Variants in TUBB6 observed in about 807,000 individuals in gnomAD.
TUBB6 encodes the protein tubulin beta-6 chain.
Under a neutral mutation model 32.3 loss-of-function variants are expected in TUBB6, and 18 were observed. That is an observed-to-expected ratio of 0.56 (90% CI 0.39 to 0.83). The LOEUF is 0.83. Ranked by LOEUF, TUBB6 falls within the 40% of genes least tolerant of loss-of-function variation. TUBB6 has a pLI of 0.00. For missense variants in TUBB6, 480 were observed against 632.0 expected (o/e 0.76, Z 2.58); for synonymous variants, 280 against 265.8 (o/e 1.05, Z -0.52).
At chr18:12,329,391 C>T, downstream of TUBB6, 2 of 726,718 alleles carry the variant, frequency 2.8e-6, no homozygotes, top group Non-Finnish European at 4.8e-6. Context: ...TCACCTGCCA[C>T]CCACTGTGAC....
At chr18:12,322,413 A>G (rs1245703705) in intron 3 of TUBB6, among the ~76,000 whole-genome samples, 1 of 149,430 alleles carries the variant, frequency 6.7e-6, no homozygotes, top group Non-Finnish European at 1.5e-5. Context: ...GGAGTGCTGT[A>G]GCACAATCTT....
intron 2 of TUBB6, among the ~76,000 whole-genome samples, 165 bp downstream of exon 2, chr18:12,308,960 T>G (rs1398930174): frequency 6.6e-6 from 1 of 152,198 alleles, no homozygotes; most frequent in Non-Finnish European, 1.5e-5. Context: ...GCCGTCAGTT[T>G]ATTCAAACAG....
At chr18:12,308,552 T>G in intron 1 of TUBB6, 135 bp from the exon 2 acceptor site, 1 of 777,172 alleles carries the variant, frequency 1.3e-6, no homozygotes, top group Non-Finnish European at 2.1e-6. Context: ...CCCACCCCCA[T>G]CCCAACTGGG....
At position 12,326,288 on chromosome 18, in the gene TUBB6, A is replaced by G; in HGVS notation, c.*158A>G. The G allele has an allele frequency of 1.8e-6, 2 of 1,137,198 alleles. No individual in the cohort carries two copies. Among genetic ancestry groups the G allele is most frequent in the Non-Finnish European group, 2.4e-6 (2 of 829,346 alleles). The allele number at this position is 1,137,198 out of a possible 1,614,324, so 70.4% of individuals were successfully genotyped here. On this transcript the variant is annotated 3_prime_UTR_variant, in exon 4 of 4. Coordinates refer to ENST00000317702, the MANE Select transcript of TUBB6 (RefSeq NM_032525.3). Reference sequence around the variant, plus strand: ...CAAGTCATGTAATTAGTCATCTGGAACAAAGACTAAAAACAGCAGAGAATT... The same window carrying G: ...CAAGTCATGTAATTAGTCATCTGGAGCAAAGACTAAAAACAGCAGAGAATT...
intron 2 of TUBB6, 66 bp from the exon 3 acceptor site, chr18:12,310,877 A>T (rs1193930831): frequency 1.0e-5 from 12 of 1,150,126 alleles, no homozygotes; most frequent in African/African-American, 1.6e-5. Flanking sequence ...TGGGACTTGA[A>T]ACGGGGAAGT....
chr18:12,322,879 G>T (rs1018245725), intron 3 of TUBB6, among the ~76,000 whole-genome samples: 2 of 152,078 alleles, frequency 1.3e-5, no homozygotes, highest in Non-Finnish European at 2.9e-5. Context: ...TCAACTGATT[G>T]GAATTATTTC....
chr18:12,312,037 T>C (rs1906411802), intron 3 of TUBB6, among the ~76,000 whole-genome samples: 1 of 152,214 alleles, frequency 6.6e-6, no homozygotes, highest in Non-Finnish European at 1.5e-5. Context: ...AAAAGCACTA[T>C]GGTGTAGGAA....
Position 12,325,860 on chromosome 18 carries a change from G to A in TUBB6, c.1071G>A (p.Pro357=), listed in dbSNP as rs1316177286. Residue 357 remains proline, a synonymous_variant, in exon 4 of 4, where the codon CCG becomes CCA. Transcript: ENST00000317702. ...TGAAGGTGGCCGTGTGCGACATCCC[G>A]CCCCGCGGCCTGAAGATGGCCTCCA... is the stretch of plus-strand genomic sequence containing the variant. ...NNVKVAVCDI[P]PRGLKMASTF... is the part of the protein sequence containing the mutation. 6 of 1,614,068 alleles carry A rather than the reference G, an allele frequency of 3.7e-6. No homozygotes were observed. The highest frequency in any genetic ancestry group is 1.7e-4 in the Middle Eastern group (1 of 6,046).
chr18:12,308,746 C>T lies in TUBB6; in HGVS notation c.117C>T (p.Asp39=), dbSNP rs141882281. ...GIDPAGGYVG[D]SALQLERINV... is the part of the protein sequence containing the mutation. ...ACCCGGCCGGAGGCTACGTGGGAGA[C>T]TCGGCGCTGCAGCTGGAGAGAATCA... Residue 39 remains aspartate, a synonymous_variant, in exon 2 of 4, where the codon GAC becomes GAT. Coordinates refer to ENST00000317702, the MANE Select transcript of TUBB6 (RefSeq NM_032525.3). The T allele has an allele frequency of 2.2e-5, 35 of 1,613,110 alleles. No homozygotes were observed. The highest frequency in any genetic ancestry group is 2.6e-5 in the Non-Finnish European group (31 of 1,179,418).
intron 3 of TUBB6, among the ~76,000 whole-genome samples, chr18:12,321,481 A>G (rs1043596506): frequency 7.2e-5 from 11 of 152,204 alleles, no homozygotes; most frequent in African/African-American, 2.4e-4. Context: ...AAGATTGACA[A>G]GTGAAAGGCA....
chr18:12,327,834 C>T (rs976360165), downstream of TUBB6, among the ~76,000 whole-genome samples: 1 of 152,226 alleles, frequency 6.6e-6, no homozygotes, highest in Non-Finnish European at 1.5e-5. Context: ...CCACTCTCGT[C>T]CCCCGGGAGG....
intron 3 of TUBB6, among the ~76,000 whole-genome samples, chr18:12,319,461 T>A (rs987959388): frequency 6.6e-6 from 1 of 152,124 alleles, no homozygotes; most frequent in Non-Finnish European, 1.5e-5. Flanking sequence ...GACATTTTTC[T>A]GTGTCCATGT....
At chr18:12,315,956 T>TA (rs1906651770) in intron 3 of TUBB6, among the ~76,000 whole-genome samples, 1 of 152,252 alleles carries the variant, frequency 6.6e-6, no homozygotes, top group South Asian at 2.1e-4. Flanking sequence ...AAAAAAAAGA[T>TA]ATCAGTTGTC....
intron 3 of TUBB6, among the ~76,000 whole-genome samples, chr18:12,317,218 T>C (rs1906723656): frequency 6.6e-6 from 1 of 151,918 alleles, no homozygotes; most frequent in Non-Finnish European, 1.5e-5. Context: ...TCCCAACACT[T>C]TGGGAGGCTG....
At chr18:12,323,458 T>C (rs1907089870) in intron 3 of TUBB6, among the ~76,000 whole-genome samples, 1 of 152,192 alleles carries the variant, frequency 6.6e-6, no homozygotes, top group Non-Finnish European at 1.5e-5. Context: ...AGCCAATCTT[T>C]CAGATTCAAT....
chr18:12,308,181 G>GC (rs1393588905), upstream of TUBB6: 1 of 698,284 alleles, frequency 1.4e-6, no homozygotes. Flanking sequence ...CCATTGGCGA[G>GC]CGGCGGGGCG....
downstream of TUBB6, among the ~76,000 whole-genome samples, chr18:12,328,273 C>G (rs1289474360): frequency 6.6e-6 from 1 of 152,216 alleles, no homozygotes; most frequent in Non-Finnish European, 1.5e-5. Flanking sequence ...CCGACAACAT[C>G]AACACCACAC....
At chr18:12,328,918 T>G, downstream of TUBB6, 1 of 448,968 alleles carries the variant, frequency 2.2e-6, no homozygotes. Context: ...TCTAAAAATA[T>G]CCAGAGCATA....
At chr18:12,324,776 C>T (rs1907181039) in intron 3 of TUBB6, 1 of 1,294,436 alleles carries the variant, frequency 7.7e-7, no homozygotes, top group Non-Finnish European at 9.7e-7. Flanking sequence ...TAATGTATAC[C>T]TTTTGTTCCC....
Sources: gnomAD v4.1 joint callset for allele counts (sites outside exome capture counted in the v4.1 genomes callset) on GRCh38, gnomAD v4.1.1 for gene constraint, MANE v1.5 for transcripts, NCBI Gene and HGNC (gene_info 2026-07-23, HGNC 2026-07-21) for gene names.